Variants in PTCH1 observed in about 807,000 individuals in gnomAD.
PTCH1 encodes patched 1.
In PTCH1, 14 loss-of-function variants were observed where a neutral mutation model predicts 144.6. The observed-to-expected ratio is 0.10, with a 90% CI of 0.06 to 0.15. PTCH1 has a LOEUF of 0.15. Among genes scored for constraint, PTCH1 ranks in the 10% least tolerant of loss-of-function variants. The pLI, the probability that PTCH1 is intolerant of heterozygous loss-of-function variation, is 1.00. For synonymous variants in PTCH1, 833 were observed against 793.6 expected, an observed-to-expected ratio of 1.05 and a Z score of -0.83; for missense variants, 1,623 against 1,948.3, an observed-to-expected ratio of 0.83 and a Z score of 3.14.
chr9:95,494,261 C>A lies in PTCH1; in HGVS notation c.395-8387G>T, dbSNP rs182672851. On this transcript the variant is annotated intron_variant, in intron 2 of 23. Coordinates refer to ENST00000331920, the MANE Select transcript of PTCH1 (RefSeq NM_000264.5). ...TCTGAATGGCTTTCCCTGACGCAGA[C>A]CTGCTCGCCCTGTCAGATGCAATCA... The A allele has an allele frequency of 8.1e-6, 8 of 985,554 alleles. No individual in the cohort carries two copies. The Admixed American group carries it at 2.5e-4, about 30-fold the overall frequency. The allele number at this position is 985,554 out of a possible 1,614,324, so 61.1% of individuals were successfully genotyped here. A position where few individuals can be genotyped will look rare whatever the true frequency, so the allele number is the denominator to read the frequency against.
chr9:95,463,245 C>T (rs1033929783), intron 15 of PTCH1, among the ~76,000 whole-genome samples: 1 of 151,904 alleles, frequency 6.6e-6, no homozygotes, highest in African/African-American at 2.4e-5. Context: ...GGAGGGGGAG[C>T]ACAGGCCCCC....
chr9:95,511,517 C>T (rs1844160504), upstream of PTCH1, among the ~76,000 whole-genome samples: 8 of 152,206 alleles, frequency 5.3e-5, no homozygotes, highest in Admixed American at 4.6e-4. Flanking sequence ...GGGACCTGAG[C>T]ACCGGGCCAG....
Position 95,449,363 on chromosome 9 carries a change from T to G in PTCH1, c.3550-40A>C. On this transcript the variant is annotated intron_variant, in intron 21 of 23. Transcript: ENST00000331920. The surrounding 1 kb of genome is among the most constrained non-coding windows in gnomAD (Gnocchi z 5.3). ...TCCATGTTAAAAGTGTTCTTGTCCA[T>G]TTACCTGCTGGCCACACTCAAAGCT... 6.5e-7 allele frequency: 1 copy of G among 1,538,576 alleles called. No individual in the cohort carries two copies. The highest frequency in any genetic ancestry group is 8.7e-7 in the Non-Finnish European group (1 of 1,146,990).
intron 5 of PTCH1, among the ~76,000 whole-genome samples, chr9:95,481,103 A>G (rs28446116): frequency 0.12 from 17,967 of 152,162 alleles, 1,164 homozygotes; most frequent in African/African-American, 0.16. Flanking sequence ...CCACCATCAC[A>G]GCCACTTCCC....
At position 95,459,578 on chromosome 9, in the gene PTCH1, C is replaced by G. The variant is rs748416583; in HGVS notation, c.2887+22G>C. ...AAGGCACCTCTGTAAGTTCCCAGAC[C>G]TCCCGATAAAACGCTACTTACTTCT... On this transcript the variant is annotated intron_variant, in intron 17 of 23. Coordinates refer to ENST00000331920, the MANE Select transcript of PTCH1 (RefSeq NM_000264.5). 6 of 1,612,450 alleles carry G rather than the reference C, an allele frequency of 3.7e-6. No individual in the cohort carries two copies. The East Asian group carries it at 6.7e-5, about 18-fold the overall frequency.
rs202011325 is a variant in PTCH1, at chr9:95,480,098, A to G, written c.946-8T>C. The G allele has an allele frequency of 6.2e-7, 1 of 1,613,982 alleles. No individual in the cohort carries two copies. The highest frequency in any genetic ancestry group is 8.5e-7 in the Non-Finnish European group (1 of 1,180,012). Reference sequence around the variant, plus strand: ...AAGGGCCATATCAAGAGGCTAAAATAAAAAGACAGCCACATAATTATGGGA... The same window carrying G: ...AAGGGCCATATCAAGAGGCTAAAATGAAAAGACAGCCACATAATTATGGGA... On this transcript the variant is annotated splice_polypyrimidine_tract_variant and splice_region_variant and intron_variant, in intron 6 of 23. Coordinates refer to ENST00000331920, the MANE Select transcript of PTCH1 (RefSeq NM_000264.5).
intron 16 of PTCH1, among the ~76,000 whole-genome samples, chr9:95,461,230 A>T (rs147898320): frequency 4.9e-4 from 74 of 152,198 alleles, no homozygotes; most frequent in African/African-American, 1.7e-3. Flanking sequence ...GGAGAATATG[A>T]TTCCCAAACA....
At chr9:95,505,447 G>T (rs906142199) in intron 2 of PTCH1, among the ~76,000 whole-genome samples, 1 of 152,068 alleles carries the variant, frequency 6.6e-6, no homozygotes, top group Non-Finnish European at 1.5e-5. Flanking sequence ...ACCAGCGGGG[G>T]AAAAAAATTG....
At position 95,476,868 on chromosome 9, in the gene PTCH1, AAC is replaced by A; in HGVS notation, c.1504-13_1504-12del. On this transcript the variant is annotated splice_polypyrimidine_tract_variant and intron_variant, in intron 10 of 23. Transcript: ENST00000331920. The surrounding 1 kb of genome is among the most constrained non-coding windows in gnomAD (Gnocchi z 4.6). Reference sequence around the variant, plus strand: ...GAGAAATGGCAAAACCTACAGCAAAAACAGAGGATGGTGGCATTAGACATGCG... The same window carrying A: ...GAGAAATGGCAAAACCTACAGCAAAAAGAGGATGGTGGCATTAGACATGCG... 3 of 1,611,966 alleles carry A rather than the reference AAC, an allele frequency of 1.9e-6. No homozygotes were observed. Among genetic ancestry groups the A allele is most frequent in the Non-Finnish European group, 2.5e-6 (3 of 1,178,352 alleles).
upstream of PTCH1, among the ~76,000 whole-genome samples, chr9:95,509,840 CTCTTT>C (rs1394036236): frequency 6.6e-6 from 1 of 151,896 alleles, no homozygotes; most frequent in African/African-American, 2.4e-5. Context: ...TTTTCCTCTT[CTCTTT>C]TCTTTTATAA....
At position 95,479,038 on chromosome 9, in the gene PTCH1, C is replaced by A; in HGVS notation, c.1177G>T (p.Ala393Ser). ...SHINWNEDKAAAILEAWQRTY... is the reference protein window; with the variant it reads ...SHINWNEDKASAILEAWQRTY... ...CTCTGCCAGGCCTCCAGGATGGCTGCCGCTTTGTCCTCGTTCCAGTTGATG... is the reference window on the plus strand; with the variant it reads ...CTCTGCCAGGCCTCCAGGATGGCTGACGCTTTGTCCTCGTTCCAGTTGATG... Residue 393 changes from alanine (A) to serine (S), a missense_variant, in exon 8 of 24, where the codon GCA (alanine) becomes TCA (serine). By Grantham distance (99) the Ala-to-Ser change is moderately conservative. Transcript: ENST00000331920. 1 of 1,614,224 alleles carries A rather than the reference C, an allele frequency of 6.2e-7. No homozygotes were observed. Among genetic ancestry groups the A allele is most frequent in the Non-Finnish European group, 8.5e-7 (1 of 1,180,040 alleles).
chr9:95,506,946 G>A (rs1587695300), intron 1 of PTCH1: 1 of 1,030,380 alleles, frequency 9.7e-7, no homozygotes, highest in Middle Eastern at 4.6e-4. Flanking sequence ...CCCCAGAGCT[G>A]AGAAGGGAGG....
At position 95,479,949 on chromosome 9, in the gene PTCH1, G is replaced by A. The variant is rs1015971517; in HGVS notation, c.1067+20C>T. ...GGAAGAAGACTACAGGGCATAGATT[G>A]TCCTCGGGAGCTGGCTTACCTGACG... is the stretch of plus-strand genomic sequence containing the variant. On this transcript the variant is annotated intron_variant, in intron 7 of 23. Coordinates refer to ENST00000331920, the MANE Select transcript of PTCH1 (RefSeq NM_000264.5). 1 of 1,614,176 alleles carries A rather than the reference G, an allele frequency of 6.2e-7. No individual in the cohort carries two copies. The highest frequency in any genetic ancestry group is 8.5e-7 in the Non-Finnish European group (1 of 1,180,040).
At chr9:95,505,775 C>T (rs996152716) in intron 2 of PTCH1, among the ~76,000 whole-genome samples, 1 of 151,958 alleles carries the variant, frequency 6.6e-6, no homozygotes, top group Admixed American at 6.5e-5. Context: ...CTTCCACCCC[C>T]ACCCCGCGTT....
intron 16 of PTCH1, among the ~76,000 whole-genome samples, chr9:95,461,208 G>A (rs766971944): frequency 1.3e-5 from 2 of 152,084 alleles, no homozygotes; most frequent in Non-Finnish European, 2.9e-5. Context: ...GCAAGAAGAT[G>A]CAAACACAAG....
chr9:95,465,483 C>T (rs1054686637), intron 15 of PTCH1, among the ~76,000 whole-genome samples: 5 of 152,206 alleles, frequency 3.3e-5, no homozygotes, highest in Non-Finnish European at 7.3e-5. Flanking sequence ...AATTCACGTT[C>T]GTCTCAGGAG....
upstream of PTCH1, among the ~76,000 whole-genome samples, chr9:95,510,762 A>G (rs1249031682): frequency 1.3e-5 from 2 of 151,386 alleles, no homozygotes; most frequent in African/African-American, 4.8e-5. Flanking sequence ...AGGAAAGGAA[A>G]GAAAGAAACC....
At chr9:95,471,762 G>A (rs1294038610) in intron 12 of PTCH1, among the ~76,000 whole-genome samples, 3 of 152,160 alleles carry the variant, frequency 2.0e-5, no homozygotes, top group Non-Finnish European at 4.4e-5. Flanking sequence ...AAAGAGGGCC[G>A]GGCACAGTGG....
At chr9:95,516,398 C>G (rs28406665) in intron 1 of PTCH1, 1 of 1,222,728 alleles carries the variant, frequency 8.2e-7, no homozygotes, top group Admixed American at 4.3e-5. Context: ...TCCCCGTGTC[C>G]CCGCGCCGCC....
Sources: allele counts gnomAD v4.1 joint callset (sites outside exome capture counted in the v4.1 genomes callset), GRCh38; gene constraint gnomAD v4.1.1; non-coding constraint Gnocchi (gnomAD v3.1); transcripts MANE v1.5; gene names NCBI Gene and HGNC (gene_info 2026-07-23, HGNC 2026-07-21).